LTBP1: variants seen among roughly 807,000 people sequenced by gnomAD.
The protein encoded by LTBP1 is latent-transforming growth factor beta-binding protein 1.
In LTBP1, 129 loss-of-function variants were observed where a neutral mutation model predicts 207.6. The observed-to-expected ratio is 0.62, with a 90% confidence interval of 0.54 to 0.72. LTBP1 has a LOEUF of 0.72. Among genes scored for constraint, LTBP1 ranks in the 30% least tolerant of loss-of-function variants. The pLI is 0.00. For missense variants in LTBP1, 2,281 were observed against 2,217.2 expected (o/e 1.03, Z -0.58); for synonymous variants, 963 against 833.7 (o/e 1.16, Z -2.67).
chr2:33,282,890 C>T (rs978399197), intron 19 of LTBP1, among the ~76,000 whole-genome samples: 1 of 151,930 alleles, frequency 6.6e-6, no homozygotes, highest in East Asian at 1.9e-4. Context: ...TGGTGAAACC[C>T]TGTCTCTACT....
rs566277622 is a variant in LTBP1, at chr2:33,273,594, A to G, written c.2618-62A>G. 2.3e-5 allele frequency: 31 copies of G among 1,351,452 alleles called. No individual in the cohort carries two copies. In the South Asian group the frequency reaches 4.3e-4, roughly 19 times the overall value. 83.7% of individuals were successfully genotyped at this position (1,351,452 alleles called of 1,614,324 possible). ...AGGAAACTCAAAGTAATACTTTGAG[A>G]GTAGCAGTGAAATCTGTTCATTTCT... On this transcript the variant is annotated intron_variant, in intron 15 of 33. Coordinates refer to ENST00000404816, the MANE Select transcript of LTBP1 (RefSeq NM_206943.4).
chr2:33,391,772 C>G (rs144089069), intron 32 of LTBP1, among the ~76,000 whole-genome samples: 2,057 of 147,760 alleles, frequency 0.014, 14 homozygotes, highest in Non-Finnish European at 0.022. Context: ...TATGTACCTT[C>G]TTTTTAATGC....
At chr2:33,284,699 ACT>A (rs1413485737) in intron 19 of LTBP1, among the ~76,000 whole-genome samples, 2 of 152,136 alleles carry the variant, frequency 1.3e-5, no homozygotes, top group African/African-American at 4.8e-5. Flanking sequence ...CCCCAAGGAA[ACT>A]CTCTAATATT....
intron 3 of LTBP1, among the ~76,000 whole-genome samples, chr2:33,083,479 T>TGTG (rs2078561742): frequency 6.6e-6 from 1 of 151,474 alleles, no homozygotes. Context: ...GGGAGTGACA[T>TGTG]GTGATGAGGG....
At chr2:33,205,528 A>G (rs761854976) in intron 7 of LTBP1, among the ~76,000 whole-genome samples, 1 of 152,190 alleles carries the variant, frequency 6.6e-6, no homozygotes, top group Non-Finnish European at 1.5e-5. Context: ...TGCATATTTC[A>G]GGGACTTGGG....
At chr2:33,238,883 G>A (rs1488452892) in intron 9 of LTBP1, among the ~76,000 whole-genome samples, 1 of 152,122 alleles carries the variant, frequency 6.6e-6, no homozygotes, top group African/African-American at 2.4e-5. Context: ...TCACCTTATC[G>A]CATCATTCCC....
intron 26 of LTBP1, among the ~76,000 whole-genome samples, chr2:33,356,461 C>T (rs1397137352): frequency 6.6e-6 from 1 of 152,066 alleles, no homozygotes; most frequent in South Asian, 2.1e-4. Context: ...GGGTGGATCA[C>T]GAGGTCAGGA....
At chr2:33,250,234 T>A (rs991546248) in intron 10 of LTBP1, among the ~76,000 whole-genome samples, 1 of 152,212 alleles carries the variant, frequency 6.6e-6, no homozygotes, top group Non-Finnish European at 1.5e-5. Flanking sequence ...GCACACCCTG[T>A]CAGGTATATG....
At chr2:33,340,418 A>G (rs888915739) in intron 24 of LTBP1, among the ~76,000 whole-genome samples, 4 of 152,176 alleles carry the variant, frequency 2.6e-5, no homozygotes, top group Admixed American at 2.6e-4. Flanking sequence ...GCAGGGCGGG[A>G]GCCTTGGCAG....
At chr2:32,950,156 A>G (rs1676881336) in intron 2 of LTBP1, among the ~76,000 whole-genome samples, 1 of 152,252 alleles carries the variant, frequency 6.6e-6, no homozygotes. Flanking sequence ...TCCCCTCAGT[A>G]ACTCATTCTG....
chr2:32,994,467 G>A (rs1040808298), intron 2 of LTBP1, among the ~76,000 whole-genome samples: 4 of 151,010 alleles, frequency 2.6e-5, no homozygotes, highest in Non-Finnish European at 5.9e-5. Context: ...ATATTAGTGA[G>A]TCTTTTTTTT....
At chr2:33,369,533 A>G (rs1224980573) in intron 31 of LTBP1, among the ~76,000 whole-genome samples, 1 of 151,452 alleles carries the variant, frequency 6.6e-6, no homozygotes, top group Non-Finnish European at 1.5e-5. Context: ...GTTGGAGTAT[A>G]TAGGAATTAG....
At chr2:33,020,049 G>A (rs1388251912) in intron 2 of LTBP1, among the ~76,000 whole-genome samples, 1 of 152,062 alleles carries the variant, frequency 6.6e-6, no homozygotes, top group African/African-American at 2.4e-5. Flanking sequence ...CAGGAGTGTG[G>A]TGATTCAGAG....
At chr2:33,090,300 T>C (rs2079004480) in intron 3 of LTBP1, among the ~76,000 whole-genome samples, 1 of 152,224 alleles carries the variant, frequency 6.6e-6, no homozygotes, top group Admixed American at 6.5e-5. Flanking sequence ...CCTGGACATT[T>C]CATGGCACAT....
At chr2:33,280,181 C>T (rs371398014) in intron 19 of LTBP1, 23 bp downstream of exon 19, 1 of 1,591,296 alleles carries the variant, frequency 6.3e-7, no homozygotes, top group African/African-American at 1.4e-5. Flanking sequence ...GTGTACTTAT[C>T]AAAGATTTGT....
At chr2:33,235,351 T>C (rs561712428) in intron 9 of LTBP1, among the ~76,000 whole-genome samples, 148 of 152,326 alleles carry the variant, frequency 9.7e-4, no homozygotes, top group Non-Finnish European at 1.6e-3. Context: ...CACAATGAGA[T>C]ACCATCTCAC....
intron 32 of LTBP1, among the ~76,000 whole-genome samples, chr2:33,392,412 C>G (rs1255258541): frequency 6.6e-6 from 1 of 152,110 alleles, no homozygotes; most frequent in Admixed American, 6.5e-5. Context: ...GTCTTGAACT[C>G]CTAACCTTGT....
chr2:33,150,915 T>A (rs1204617899), intron 5 of LTBP1, among the ~76,000 whole-genome samples: 1 of 151,532 alleles, frequency 6.6e-6, no homozygotes, highest in Non-Finnish European at 1.5e-5. Context: ...TTTAAAAATG[T>A]TTTTAGTAGA....
At chr2:33,279,919 A>G in intron 18 of LTBP1, 120 bp from the exon 19 acceptor site, 4 of 1,020,532 alleles carry the variant, frequency 3.9e-6, no homozygotes, top group Admixed American at 2.1e-5. Flanking sequence ...TTACCCAATT[A>G]TTGTTTTTCC....
Sources: gnomAD v4.1 joint callset for allele counts (sites outside exome capture counted in the v4.1 genomes callset) on GRCh38, gnomAD v4.1.1 for gene constraint, MANE v1.5 for transcripts, NCBI Gene and HGNC (gene_info 2026-07-23, HGNC 2026-07-21) for gene names.